The following OGA variants were observed in gnomAD, a reference collection of about 807,000 sequenced individuals.
OGA encodes protein O-GlcNAcase.
A neutral mutation model predicts 102.0 loss-of-function variants in OGA; 21 were observed. The observed-to-expected ratio is 0.21, with a 90% CI of 0.15 to 0.30. The LOEUF is 0.30. Among genes scored for constraint, OGA ranks in the 10% least tolerant of loss-of-function variants. The pLI, the probability that OGA is intolerant of heterozygous loss-of-function variation, is 1.00. For synonymous variants in OGA, 408 were observed against 378.2 expected, an observed-to-expected ratio of 1.08 and a Z score of -0.91; for missense variants, 765 against 1,107.8, an observed-to-expected ratio of 0.69 and a Z score of 4.39.
chr10:101,791,108 C>T lies in OGA; in HGVS notation c.2262-20G>A. ...ACTAACCTGCTCAGAAGGAAAGAGG[C>T]CACAGTAAACTTTTCAGTTGCTAAT... On this transcript the variant is annotated intron_variant, in intron 13 of 15. Transcript: ENST00000361464. 1.9e-6 allele frequency: 3 copies of T among 1,574,660 alleles called. No homozygotes were observed. Among genetic ancestry groups the T allele is most frequent in the Non-Finnish European group, 2.6e-6 (3 of 1,165,630 alleles).
Position 101,818,077 on chromosome 10 carries a change from TG to T in OGA, c.-56del. On this transcript the variant is annotated 5_prime_UTR_variant, in exon 1 of 16. Coordinates refer to ENST00000361464, the MANE Select transcript of OGA (RefSeq NM_012215.5). ...CGGGTCCTCCTCGACCTCTGTCCGT[TG>T]GGGCACCGGCCCGGAGCCCTGGAGA... 1 of 1,482,358 alleles carries T rather than the reference TG, an allele frequency of 6.7e-7. No homozygotes were observed. The allele number at this position is 1,482,358 out of a possible 1,614,324, so 91.8% of individuals were successfully genotyped here.
intron 4 of OGA, 150 bp from the exon 5 acceptor site, chr10:101,808,051 C>T (rs568083975): frequency 2.0e-5 from 15 of 757,068 alleles, no homozygotes; most frequent in South Asian, 3.8e-5. Flanking sequence ...ATTAAAAAAT[C>T]GTAAGTTAAA....
At chr10:101,803,391 G>A (rs1341513316) in intron 7 of OGA, among the ~76,000 whole-genome samples, 1 of 149,292 alleles carries the variant, frequency 6.7e-6, no homozygotes, top group Non-Finnish European at 1.5e-5. Context: ...TGTTGTCCAG[G>A]CTGGAGTGCA....
At chr10:101,786,673 TA>T in intron 15 of OGA, 86 bp from the exon 16 acceptor site, 1 of 1,142,304 alleles carries the variant, frequency 8.8e-7, no homozygotes, top group Non-Finnish European at 1.2e-6. Flanking sequence ...TCGAGATGGT[TA>T]ATATAAACAG....
chr10:101,804,410 C>T (rs926064618), intron 6 of OGA, among the ~76,000 whole-genome samples: 4 of 151,502 alleles, frequency 2.6e-5, no homozygotes, highest in African/African-American at 9.7e-5. Context: ...GTAGCTGGGA[C>T]TACAGGCGCC....
At position 101,807,907 on chromosome 10, in the gene OGA, A is replaced by C; in HGVS notation, c.481-6T>G. 6.7e-7 allele frequency: 1 copy of C among 1,489,150 alleles called. No individual in the cohort carries two copies. Among genetic ancestry groups the C allele is most frequent in the Non-Finnish European group, 8.9e-7 (1 of 1,119,828 alleles). The allele number at this position is 1,489,150 out of a possible 1,614,324, so 92.2% of individuals were successfully genotyped here. On this transcript the variant is annotated splice_region_variant and splice_polypyrimidine_tract_variant and intron_variant, in intron 4 of 15. Transcript: ENST00000361464. ...CTGCACCCAAACTGAGAAACCTAGG[A>C]GAAAAAAAAAAAAAAGAATCAAGAG...
intron 1 of OGA, 65 bp downstream of exon 1, chr10:101,817,759 C>G: frequency 3.3e-6 from 5 of 1,508,664 alleles, no homozygotes; most frequent in Non-Finnish European, 4.4e-6. Flanking sequence ...AAATCCCCGC[C>G]ACCACCCTCC....
Position 101,818,315 on chromosome 10 carries a change from G to C in OGA, c.-293C>G. ...ACCTCTCGTTCCCTGGAAGAAGACG[G>C]CCAAGGGTCCTGTCCTCGTTCTCTG... On this transcript the variant is annotated 5_prime_UTR_variant, in exon 1 of 16. Coordinates refer to ENST00000361464, the MANE Select transcript of OGA (RefSeq NM_012215.5). 8.3e-7 allele frequency: 1 copy of C among 1,202,382 alleles called. No individual in the cohort carries two copies. The highest frequency in any genetic ancestry group is 3.9e-5 in the East Asian group (1 of 25,344). 74.5% of individuals were successfully genotyped at this position (1,202,382 alleles called of 1,614,324 possible).
intron 13 of OGA, 82 bp from the exon 14 acceptor site, chr10:101,791,170 A>G: frequency 7.1e-7 from 1 of 1,403,480 alleles, no homozygotes; most frequent in Non-Finnish European, 9.7e-7. Context: ...GACCCACTGT[A>G]CTTGCATGAA....
chr10:101,807,714 C>A lies in OGA; in HGVS notation c.652+16G>T, dbSNP rs890791904. ...CCAAGAAGACTAGTTAAATGTAAAG[C>A]CATTATATACAATACCTGTGGGACA... On this transcript the variant is annotated intron_variant, in intron 5 of 15. Coordinates refer to ENST00000361464, the MANE Select transcript of OGA (RefSeq NM_012215.5). 5.2e-6 allele frequency: 8 copies of A among 1,529,304 alleles called. No individual in the cohort carries two copies. The African/African-American group carries it at 8.4e-5, about 16-fold the overall frequency. 94.7% of individuals were successfully genotyped at this position (1,529,304 alleles called of 1,614,324 possible). A position where few individuals can be genotyped will look rare whatever the true frequency, so the allele number is the denominator to read the frequency against.
chr10:101,804,125 A>G, intron 6 of OGA, 106 bp from the exon 7 acceptor site: 1 of 1,023,150 alleles, frequency 9.8e-7, no homozygotes, highest in South Asian at 1.7e-5. Context: ...TGGGCAGATC[A>G]TTTGAGCCCA....
At chr10:101,801,071 G>A (rs2065385303) in intron 7 of OGA, among the ~76,000 whole-genome samples, 2 of 151,632 alleles carry the variant, frequency 1.3e-5, no homozygotes, top group East Asian at 2.0e-4. Context: ...ACAACCGACT[G>A]TAACTTCATT....
At chr10:101,794,187 C>A in intron 10 of OGA, 189 bp from the exon 11 acceptor site, 1 of 404,850 alleles carries the variant, frequency 2.5e-6, no homozygotes, top group Non-Finnish European at 4.5e-6. Flanking sequence ...AATGTTCCTT[C>A]CTCCAATTAA....
At chr10:101,794,300 T>G (rs1208548145) in intron 10 of OGA, among the ~76,000 whole-genome samples, 1 of 152,194 alleles carries the variant, frequency 6.6e-6, no homozygotes, top group Non-Finnish European at 1.5e-5. Context: ...ATTATACAAA[T>G]CAAGCTAGCT....
intron 10 of OGA, among the ~76,000 whole-genome samples, chr10:101,796,140 A>C (rs987639213): frequency 6.6e-6 from 1 of 152,216 alleles, no homozygotes; most frequent in Non-Finnish European, 1.5e-5. Context: ...TTAAATCCCT[A>C]TAAGAATGAA....
At chr10:101,807,933 T>TA (rs1025144852) in intron 4 of OGA, 32 bp from the exon 5 acceptor site, 2 of 1,430,544 alleles carry the variant, frequency 1.4e-6, no homozygotes, top group South Asian at 1.5e-5. Flanking sequence ...GAATCAAGAG[T>TA]AAAAAAATTA....
At chr10:101,790,209 T>C (rs1383363738) in intron 14 of OGA, among the ~76,000 whole-genome samples, 3 of 150,586 alleles carry the variant, frequency 2.0e-5, no homozygotes, top group Non-Finnish European at 3.0e-5. Context: ...AACCACCAAA[T>C]AGATTTAAAT....
intron 5 of OGA, among the ~76,000 whole-genome samples, chr10:101,807,387 G>A (rs932111985): frequency 6.6e-6 from 1 of 152,174 alleles, no homozygotes; most frequent in Non-Finnish European, 1.5e-5. Context: ...GCAGAAAAAG[G>A]GGACAAGTAG....
intron 6 of OGA, 63 bp from the exon 7 acceptor site, chr10:101,804,082 T>A: frequency 6.8e-7 from 1 of 1,460,528 alleles, no homozygotes. Flanking sequence ...CATTGGCTCA[T>A]AACTGTAATC....
Sources: allele counts gnomAD v4.1 joint callset (sites outside exome capture counted in the v4.1 genomes callset), GRCh38; gene constraint gnomAD v4.1.1; transcripts MANE v1.5; gene names NCBI Gene and HGNC (gene_info 2026-07-23, HGNC 2026-07-21).